MAX: variants seen among roughly 807,000 people sequenced by gnomAD.
MAX encodes MYC associated transcriptional regulator X.
A neutral mutation model predicts 22.3 loss-of-function variants in MAX; 3 were observed. The observed-to-expected ratio is 0.13, with a 90% CI of 0.06 to 0.35. MAX has a LOEUF of 0.35. Among genes scored for constraint, MAX ranks in the 10% least tolerant of loss-of-function variants. The probability of loss-of-function intolerance (pLI) is 1.00; values close to 1 mark genes in which losing one functional copy is unlikely to be tolerated. For synonymous variants in MAX, 72 were observed against 77.7 expected (o/e 0.93, Z 0.39); for missense variants, 119 against 209.4 (o/e 0.57, Z 2.66).
At chr14:65,018,341 G>A (rs899546781) in intron 3 of MAX, among the ~76,000 whole-genome samples, 1 of 152,044 alleles carries the variant, frequency 6.6e-6, no homozygotes, top group Non-Finnish European at 1.5e-5. Flanking sequence ...ATAAATATAT[G>A]AATGTGTATA....
At position 65,079,173 on chromosome 14, in the gene MAX, A is replaced by G. The variant is rs2063142179; in HGVS notation, c.172-1137T>C. 6.6e-6 allele frequency among the ~76,000 whole-genome samples: 1 copy of G among 152,252 alleles called. No homozygotes were observed. Among genetic ancestry groups the G allele is most frequent in the South Asian group, 2.1e-4 (1 of 4,832 alleles). ...GGTACAATGTGTTTCATCAAGACCC[A>G]AGATTCCAGCCAAACTCTGAAACCA... On this transcript the variant is annotated intron_variant, in intron 3 of 4. Transcript: ENST00000358664. This position sits in a 1 kb window ranked among gnomAD's most constrained non-coding sequence, Gnocchi z 4.5.
At position 65,031,304 on chromosome 14, in the gene MAX, T is replaced by C. The variant is rs1241045120; in HGVS notation, c.172-25020A>G. Reference sequence around the variant, plus strand: ...ACAGCAAGAATGATCCTAAATCAAGTATAATAATTTTTTGTGTTTGTTTTT... The same window carrying C: ...ACAGCAAGAATGATCCTAAATCAAGCATAATAATTTTTTGTGTTTGTTTTT... On this transcript the variant is annotated intron_variant, in intron 3 of 3. Transcript: ENST00000341653. This position sits in a 1 kb window ranked among gnomAD's most constrained non-coding sequence, Gnocchi z 4.6. Among the ~76,000 whole-genome samples the C allele has an allele frequency of 6.6e-6, 1 of 151,674 alleles. No individual in the cohort carries two copies. The highest frequency in any genetic ancestry group is 2.4e-5 in the African/African-American group (1 of 41,306).
At chr14:65,099,076 C>T (rs546507643) in intron 2 of MAX, among the ~76,000 whole-genome samples, 5 of 151,944 alleles carry the variant, frequency 3.3e-5, no homozygotes, top group African/African-American at 1.2e-4. Flanking sequence ...GAATAGCTCC[C>T]TCTTAAATTT....
rs752831436 is a variant in MAX, at chr14:65,027,474, G to A, written c.172-21190C>T. 3.1e-6 allele frequency: 5 copies of A among 1,614,208 alleles called. No homozygotes were observed. In the South Asian group the frequency reaches 5.5e-5, roughly 18 times the overall value. Reference sequence around the variant, plus strand: ...CTAGTGTGTGTCAGTTCCTGGAGCTGTGTCAGAGCCCAGAAGGTGGCTTTG... The same window carrying A: ...CTAGTGTGTGTCAGTTCCTGGAGCTATGTCAGAGCCCAGAAGGTGGCTTTG... On this transcript the variant is annotated intron_variant, in intron 3 of 3. Coordinates refer to the MAX transcript ENST00000341653. This position sits in a 1 kb window ranked among gnomAD's most constrained non-coding sequence, Gnocchi z 5.7.
At chr14:65,086,689 A>T (rs1224547534) in intron 3 of MAX, among the ~76,000 whole-genome samples, 1 of 152,278 alleles carries the variant, frequency 6.6e-6, no homozygotes, top group South Asian at 2.1e-4. Flanking sequence ...ATTCAGTTTT[A>T]TAAGAGAAGC....
chr14:65,041,034 T>A, intron 3 of MAX: 2 of 1,485,904 alleles, frequency 1.3e-6, no homozygotes, highest in Non-Finnish European at 9.1e-7. Flanking sequence ...GAGAGTTAGC[T>A]CTGTTCCAAC....
At chr14:65,018,322 C>T (rs1039587788) in intron 3 of MAX, among the ~76,000 whole-genome samples, 1 of 151,942 alleles carries the variant, frequency 6.6e-6, no homozygotes, top group African/African-American at 2.4e-5. Flanking sequence ...AGAGCAAGAC[C>T]CTGTCTCAAT....
Position 65,052,275 on chromosome 14 carries a change from GCT to G in MAX, c.171+41431_171+41432del, listed in dbSNP as rs762828193. On this transcript the variant is annotated intron_variant, in intron 3 of 3. Coordinates refer to the MAX transcript ENST00000341653. ...ATAGTGGTATAAGTGAAAAACATAA[GCT>G]ACACAGTTATAATAACTAGGTAGAA... Among the ~76,000 whole-genome samples the G allele has an allele frequency of 2.3e-3, 353 of 152,240 alleles. 1 individual carries two copies. Among genetic ancestry groups the G allele is most frequent in the Non-Finnish European group, 4.1e-3 (280 of 68,008 alleles).
chr14:65,033,955 A>G (rs545036637), intron 3 of MAX, among the ~76,000 whole-genome samples: 4 of 152,248 alleles, frequency 2.6e-5, no homozygotes, highest in African/African-American at 9.6e-5. Context: ...TATTTTTATC[A>G]AAGTAGTATG....
chr14:65,083,091 G>A (rs2063240145), intron 3 of MAX, among the ~76,000 whole-genome samples: 1 of 152,140 alleles, frequency 6.6e-6, no homozygotes, highest in African/African-American at 2.4e-5. Flanking sequence ...GGTCTGCCAG[G>A]TTCCTGTCCC....
Position 65,023,945 on chromosome 14 carries a change from T to C in MAX, c.172-17661A>G, listed in dbSNP as rs979063897. ...GTGAAACCCTGACTCTACTAAAAAA[T>C]ACAAAAATTAGCTGGGCGTGGCGGC... On this transcript the variant is annotated intron_variant, in intron 3 of 3. Transcript: ENST00000341653. This position sits in a 1 kb window ranked among gnomAD's most constrained non-coding sequence, Gnocchi z 4.1. Among the ~76,000 whole-genome samples, 1 of 151,794 alleles carries C rather than the reference T, an allele frequency of 6.6e-6. No homozygotes were observed. Among genetic ancestry groups the C allele is most frequent in the African/African-American group, 2.4e-5 (1 of 41,328 alleles).
In MAX at chr14:65,075,541, A is replaced by C. The variant is rs2063035509; in HGVS notation, c.*935T>G. 9.4e-7 allele frequency: 1 copy of C among 1,065,802 alleles called. No individual in the cohort carries two copies. The highest frequency in any genetic ancestry group is 1.1e-6 in the Non-Finnish European group (1 of 879,316). The allele number at this position is 1,065,802 out of a possible 1,614,324, so 66.0% of individuals were successfully genotyped here. A position where few individuals can be genotyped will look rare whatever the true frequency, so the allele number is the denominator to read the frequency against. On this transcript the variant is annotated 3_prime_UTR_variant, in exon 5 of 5. Transcript: ENST00000358664. The surrounding 1 kb of genome is among the most constrained non-coding windows in gnomAD (Gnocchi z 4.1). ...TTTCTTAGAAATACACACGGGAAGAAAGAAAGATTTCATCATTACTTTATG... is the reference window on the plus strand; with the variant it reads ...TTTCTTAGAAATACACACGGGAAGACAGAAAGATTTCATCATTACTTTATG...
intron 2 of MAX, among the ~76,000 whole-genome samples, chr14:65,095,579 G>A (rs894516261): frequency 5.3e-5 from 8 of 152,192 alleles, no homozygotes; most frequent in South Asian, 4.1e-4. Context: ...ATAAAGATAA[G>A]TTGGGCTGCG....
chr14:65,065,850 C>T (rs553851818), intron 3 of MAX, among the ~76,000 whole-genome samples: 4 of 152,336 alleles, frequency 2.6e-5, no homozygotes, highest in African/African-American at 9.6e-5. Flanking sequence ...TGATCCTTGA[C>T]TCACCTTGTA....
intron 3 of MAX, chr14:65,061,353 C>T: frequency 6.2e-7 from 1 of 1,611,966 alleles, no homozygotes; most frequent in East Asian, 2.2e-5. Flanking sequence ...CCCATCTCCC[C>T]AGTCAGACAA....
chr14:65,016,802 T>C (rs1345482834), intron 3 of MAX, among the ~76,000 whole-genome samples: 1 of 152,104 alleles, frequency 6.6e-6, no homozygotes, highest in East Asian at 1.9e-4. Flanking sequence ...GAGAGGCAAG[T>C]GCATTGTTTT....
intron 3 of MAX, among the ~76,000 whole-genome samples, chr14:65,059,837 CTT>C (rs34459085): frequency 1.9e-4 from 25 of 134,184 alleles, no homozygotes; most frequent in East Asian, 2.2e-4. Context: ...GTCCTTTTTT[CTT>C]TTTTTTTTTT....
rs769142713 is a variant in MAX at position 65,077,371 on chromosome 14, G to A, written c.295+542C>T. 1.7e-5 allele frequency: 28 copies of A among 1,613,298 alleles called. No homozygotes were observed. Among genetic ancestry groups the A allele is most frequent in the Admixed American group, 3.3e-5 (2 of 60,010 alleles). On this transcript the variant is annotated intron_variant, in intron 4 of 4. Transcript: ENST00000358664. The surrounding 1 kb of genome is among the most constrained non-coding windows in gnomAD (Gnocchi z 6.3). Reference sequence around the variant, plus strand: ...TTCCTTTTACTTGCATCTTCCATGAGGGAGGAAGAGAAGTGAATTCCCCAG... The same window carrying A: ...TTCCTTTTACTTGCATCTTCCATGAAGGAGGAAGAGAAGTGAATTCCCCAG...
rs1057065586 is a variant in MAX, at chr14:65,026,493, C to T, written c.172-20209G>A. On this transcript the variant is annotated intron_variant, in intron 3 of 3. Transcript: ENST00000341653. ...TCAGTGCAGCTCCTCTTATGTTTAC[C>T]GCAATTAAGGTGAGCATGAGAGCAG... Among the ~76,000 whole-genome samples the T allele has an allele frequency of 4.6e-5, 7 of 152,232 alleles. No individual in the cohort carries two copies. In the South Asian group the frequency reaches 6.2e-4, roughly 14 times the overall value.
Sources: allele counts gnomAD v4.1 joint callset (sites outside exome capture counted in the v4.1 genomes callset), GRCh38; gene constraint gnomAD v4.1.1; non-coding constraint Gnocchi (gnomAD v3.1); transcripts MANE v1.5; gene names NCBI Gene and HGNC (gene_info 2026-07-23, HGNC 2026-07-21).